Variants in CDK14 observed in about 807,000 individuals in gnomAD.
CDK14 encodes cyclin-dependent kinase 14.
CDK14 carries 34 observed loss-of-function variants against 60.7 expected under a neutral mutation model. The ratio of observed to expected loss-of-function variants is 0.56; its 90% CI spans 0.43 to 0.75. CDK14 has a LOEUF of 0.75. Among genes scored for constraint, CDK14 ranks in the 30% least tolerant of loss-of-function variants. The pLI is 0.00. For synonymous variants in CDK14, 197 were observed against 203.7 expected (o/e 0.97, Z 0.28); for missense variants, 482 against 564.1 (o/e 0.85, Z 1.47).
intron 11 of CDK14, among the ~76,000 whole-genome samples, chr7:91,066,711 C>G (rs977379257): frequency 6.6e-6 from 1 of 152,152 alleles, no homozygotes; most frequent in Admixed American, 6.5e-5. Context: ...CAGCATTGTT[C>G]TCCAGTTGTT....
chr7:90,711,556 C>T (rs1007397208), intron 2 of CDK14, among the ~76,000 whole-genome samples: 8 of 151,922 alleles, frequency 5.3e-5, no homozygotes, highest in Non-Finnish European at 7.4e-5. Context: ...AGAGCAATAA[C>T]GTGACTGATT....
intron 5 of CDK14, among the ~76,000 whole-genome samples, chr7:90,803,990 T>A (rs1439394283): frequency 6.6e-6 from 1 of 152,222 alleles, no homozygotes; most frequent in Non-Finnish European, 1.5e-5. Flanking sequence ...ACTCAGGGTA[T>A]GTTGAATGAC....
intron 10 of CDK14, among the ~76,000 whole-genome samples, chr7:90,987,796 C>A (rs1305555483): frequency 6.6e-6 from 1 of 152,138 alleles, no homozygotes; most frequent in Admixed American, 6.5e-5. Context: ...GTAATTAGAT[C>A]CACTTTAACA....
intron 10 of CDK14, among the ~76,000 whole-genome samples, chr7:91,043,569 C>CAG (rs775064958): frequency 5.8e-4 from 88 of 152,212 alleles, no homozygotes; most frequent in Admixed American, 4.8e-3. Context: ...ATGCCTTTTG[C>CAG]AGACACTGTT....
chr7:90,846,816 T>C (rs1262631177), intron 5 of CDK14, among the ~76,000 whole-genome samples: 1 of 152,094 alleles, frequency 6.6e-6, no homozygotes, highest in East Asian at 1.9e-4. Flanking sequence ...AGCATCCTAA[T>C]GTTGGGGCTT....
intron 9 of CDK14, among the ~76,000 whole-genome samples, chr7:90,982,677 C>CTA (rs1373176952): frequency 6.6e-6 from 1 of 152,122 alleles, no homozygotes; most frequent in East Asian, 1.9e-4. Flanking sequence ...TAACTGGATT[C>CTA]TATAAGTAAT....
At chr7:91,131,497 A>G (rs1323658430) in intron 14 of CDK14, among the ~76,000 whole-genome samples, 1 of 152,146 alleles carries the variant, frequency 6.6e-6, no homozygotes, top group Non-Finnish European at 1.5e-5. Flanking sequence ...CTAAATGGTT[A>G]CTGAACTGAC....
chr7:90,749,462 C>T (rs1803731067), intron 4 of CDK14, among the ~76,000 whole-genome samples: 1 of 151,514 alleles, frequency 6.6e-6, no homozygotes, highest in South Asian at 2.1e-4. Context: ...AGCACCTGCT[C>T]ACTTTGTTCA....
chr7:90,769,752 C>G (rs1804712619), intron 4 of CDK14, among the ~76,000 whole-genome samples: 1 of 152,154 alleles, frequency 6.6e-6, no homozygotes, highest in Non-Finnish European at 1.5e-5. Context: ...CAGGCATGAT[C>G]CTCTGCGCCT....
At chr7:90,783,111 AATATT>A (rs1207429405) in intron 4 of CDK14, among the ~76,000 whole-genome samples, 1 of 152,182 alleles carries the variant, frequency 6.6e-6, no homozygotes, top group East Asian at 1.9e-4. Flanking sequence ...ATGCCACTCT[AATATT>A]ATGTTTCTAA....
At chr7:91,048,415 G>A (rs1416629075) in intron 11 of CDK14, among the ~76,000 whole-genome samples, 2 of 152,112 alleles carry the variant, frequency 1.3e-5, no homozygotes, top group African/African-American at 4.8e-5. Flanking sequence ...GGACAGTTGG[G>A]TTGTTTCCAG....
In CDK14 at chr7:90,695,280, C is replaced by A. The variant is rs536495925; in HGVS notation, c.124-31287C>A. Among the ~76,000 whole-genome samples, 15 of 152,260 alleles carry A rather than the reference C, an allele frequency of 9.9e-5. No individual in the cohort carries two copies. In the East Asian group the frequency reaches 2.9e-3, roughly 29 times the overall value. ...GGCTGCTCTTTCTGCCTTGAAATCC[C>A]CTGACATTATGAGGTCCTAAAAATA... On this transcript the variant is annotated intron_variant, in intron 2 of 14. Coordinates refer to ENST00000380050, the MANE Select transcript of CDK14 (RefSeq NM_001287135.2).
At chr7:90,651,650 A>G (rs961031323) in intron 2 of CDK14, among the ~76,000 whole-genome samples, 1 of 152,138 alleles carries the variant, frequency 6.6e-6, no homozygotes, top group African/African-American at 2.4e-5. Context: ...TTACAGTGAC[A>G]TGTTTGTAGT....
chr7:90,920,071 T>A (rs1793203055), intron 8 of CDK14, among the ~76,000 whole-genome samples: 1 of 152,256 alleles, frequency 6.6e-6, no homozygotes, highest in African/African-American at 2.4e-5. Flanking sequence ...TGTGTGATTT[T>A]TTTTGTCTTT....
intron 10 of CDK14, among the ~76,000 whole-genome samples, chr7:91,023,836 G>A (rs916015509): frequency 2.6e-5 from 4 of 152,030 alleles, no homozygotes; most frequent in Non-Finnish European, 4.4e-5. Flanking sequence ...GCAATGGCTC[G>A]ATCTTAGCTC....
intron 2 of CDK14, among the ~76,000 whole-genome samples, chr7:90,639,139 T>C (rs1381887000): frequency 1.3e-5 from 2 of 152,246 alleles, no homozygotes; most frequent in Non-Finnish European, 2.9e-5. Flanking sequence ...CTCGTCAAAG[T>C]CATTCTCCTT....
Position 91,153,354 on chromosome 7 carries a change from A to G in CDK14, c.*28+35146A>G, listed in dbSNP as rs563965124. ...GGTGATTCCTCAAGGAGCTAAAAGC[A>G]GAACTGTCATTTGACCCAGCAATCC... On this transcript the variant is annotated intron_variant, in intron 14 of 14. Transcript: ENST00000380050. 2.6e-5 allele frequency among the ~76,000 whole-genome samples: 4 copies of G among 152,336 alleles called. No individual in the cohort carries two copies. The East Asian group carries it at 5.8e-4, about 22-fold the overall frequency.
At chr7:90,724,596 A>T (rs1488745846) in intron 2 of CDK14, among the ~76,000 whole-genome samples, 1 of 151,888 alleles carries the variant, frequency 6.6e-6, no homozygotes, top group Non-Finnish European at 1.5e-5. Flanking sequence ...CTAAAGTACT[A>T]CTTTAGCTGA....
intron 8 of CDK14, among the ~76,000 whole-genome samples, chr7:90,936,940 G>C (rs114037547): frequency 6.6e-6 from 1 of 151,932 alleles, no homozygotes; most frequent in Admixed American, 6.6e-5. Context: ...TTAGATGGGC[G>C]TGGTGGTGCA....
Sources: gnomAD v4.1 joint callset for allele counts (sites outside exome capture counted in the v4.1 genomes callset) on GRCh38, gnomAD v4.1.1 for gene constraint, MANE v1.5 for transcripts, NCBI Gene and HGNC (gene_info 2026-07-23, HGNC 2026-07-21) for gene names.